The following RECK variants were observed in gnomAD, a reference collection of about 807,000 sequenced individuals.
The protein encoded by RECK is reversion-inducing cysteine-rich protein with Kazal motifs.
RECK carries 69 observed loss-of-function variants against 115.1 expected under a neutral mutation model. The ratio of observed to expected loss-of-function variants is 0.60; its 90% CI spans 0.49 to 0.73. RECK has a LOEUF of 0.73. Among genes scored for constraint, RECK ranks in the 30% least tolerant of loss-of-function variants. RECK has a pLI of 0.00. For synonymous variants in RECK, 414 were observed against 419.7 expected (o/e 0.99, Z 0.17); for missense variants, 1,047 against 1,203.7 (o/e 0.87, Z 1.93).
At chr9:36,116,246 A>G (rs1227847371) in intron 16 of RECK, among the ~76,000 whole-genome samples, 2 of 150,570 alleles carry the variant, frequency 1.3e-5, no homozygotes, top group African/African-American at 4.9e-5. Flanking sequence ...ATCCTGCCTC[A>G]GCCTCCTGAG....
intron 1 of RECK, among the ~76,000 whole-genome samples, chr9:36,042,571 A>G (rs1342104772): frequency 6.6e-6 from 1 of 150,970 alleles, no homozygotes; most frequent in Admixed American, 6.6e-5. Context: ...TTCTTTATCC[A>G]CTTGTTGATT....
Position 36,096,573 on chromosome 9 carries a change from G to A in RECK, c.1086-3758G>A, listed in dbSNP as rs181045457. ...AAAATAAAATAAAATAAAATAAATA[G>A]AAACATCTTTTCAACAAATAATACT... On this transcript the variant is annotated intron_variant, in intron 10 of 20. Transcript: ENST00000377966. 2.6e-5 allele frequency among the ~76,000 whole-genome samples: 4 copies of A among 151,930 alleles called. No homozygotes were observed. In the East Asian group the frequency reaches 7.7e-4, roughly 29 times the overall value.
At chr9:36,078,949 G>GT (rs1822564201) in intron 6 of RECK, among the ~76,000 whole-genome samples, 1 of 152,140 alleles carries the variant, frequency 6.6e-6, no homozygotes, top group Non-Finnish European at 1.5e-5. Flanking sequence ...AGGCTGGAGT[G>GT]TAGTGGCATG....
intron 18 of RECK, among the ~76,000 whole-genome samples, chr9:36,120,006 A>G (rs866713573): frequency 6.6e-6 from 1 of 152,272 alleles, no homozygotes; most frequent in South Asian, 2.1e-4. Flanking sequence ...AGGCCGAGGC[A>G]GGCGGATCAC....
Position 36,037,085 on chromosome 9 carries a change from T to C in RECK, c.87T>C (p.Ala29=). The C allele has an allele frequency of 1.5e-6, 2 of 1,365,102 alleles. No individual in the cohort carries two copies. Among genetic ancestry groups the C allele is most frequent in the South Asian group, 1.7e-5 (1 of 58,408 alleles). The allele number at this position is 1,365,102 out of a possible 1,614,324, so 84.6% of individuals were successfully genotyped here. Residue 29 remains alanine (A), a synonymous_variant, in exon 1 of 21, where the codon GCT becomes GCC. Transcript: ENST00000377966. ...TCGCGGAGGTGGCAGGGGGCCTGGC[T>C]CCGGGCAGTGCGGGTGAGTAACCTC... ...AGVAEVAGGL[A]PGSAGALCCN...
intron 15 of RECK, among the ~76,000 whole-genome samples, chr9:36,111,082 G>A (rs1221832372): frequency 6.6e-6 from 1 of 152,224 alleles, no homozygotes; most frequent in African/African-American, 2.4e-5. Context: ...TTACAAGGAA[G>A]ACTTTTTAAA....
intron 20 of RECK, among the ~76,000 whole-genome samples, 182 bp from the exon 21 acceptor site, chr9:36,122,642 T>A (rs1244722290): frequency 2.0e-5 from 3 of 152,216 alleles, no homozygotes; most frequent in South Asian, 2.1e-4. Context: ...TTAATGCTGC[T>A]ATATTTATGT....
At chr9:36,103,810 G>A (rs918041940) in intron 12 of RECK, among the ~76,000 whole-genome samples, 7 of 151,982 alleles carry the variant, frequency 4.6e-5, no homozygotes, top group Admixed American at 1.3e-4. Context: ...TTTGAGCCTC[G>A]GCTTCCCTAT....
At chr9:36,107,760 G>A (rs1823880594) in intron 13 of RECK, among the ~76,000 whole-genome samples, 1 of 152,126 alleles carries the variant, frequency 6.6e-6, no homozygotes, top group Admixed American at 6.5e-5. Flanking sequence ...GTACAGATCT[G>A]TAATCACCAC....
chr9:36,118,918 C>A lies in RECK; in HGVS notation c.2415C>A (p.Val805=), dbSNP rs377608152. The A allele has an allele frequency of 6.4e-5, 103 of 1,613,368 alleles. 1 individual carries two copies. Among genetic ancestry groups the A allele is most frequent in the Non-Finnish European group, 7.1e-5 (84 of 1,180,050 alleles). ...EHSSVAECAS[V]KCPSLLAAGC... ...GCTCCGTCGCCGAGTGTGCTTCTGT[C>A]AAGTGTCCTTCGCTCTTGGCAGCTG... is the stretch of plus-strand genomic sequence containing the variant. Residue 805 remains valine, a synonymous_variant, in exon 18 of 21, where the codon GTC becomes GTA. Transcript: ENST00000377966.
intron 10 of RECK, among the ~76,000 whole-genome samples, chr9:36,095,836 T>C (rs185307458): frequency 0.025 from 3,790 of 148,632 alleles, 170 homozygotes; most frequent in African/African-American, 0.087. Flanking sequence ...TTTGGGAGGC[T>C]GAGGTGGGTG....
intron 1 of RECK, among the ~76,000 whole-genome samples, chr9:36,042,244 T>C (rs954475501): frequency 2.6e-5 from 4 of 151,980 alleles, no homozygotes; most frequent in African/African-American, 9.7e-5. Flanking sequence ...CCAAAGTCCG[T>C]TGTATTGTTC....
chr9:36,064,150 A>C (rs754391033), intron 5 of RECK, among the ~76,000 whole-genome samples: 2 of 152,188 alleles, frequency 1.3e-5, no homozygotes, highest in Non-Finnish European at 2.9e-5. Context: ...TAGGTCATCC[A>C]TACTTTGCCT....
chr9:36,097,050 G>T (rs962681746), intron 10 of RECK, among the ~76,000 whole-genome samples: 49 of 152,248 alleles, frequency 3.2e-4, no homozygotes, highest in African/African-American at 1.0e-3. Flanking sequence ...AAGGCCAGGT[G>T]TGGTGGCTCA....
chr9:36,084,268 G>A (rs944357014), intron 8 of RECK, among the ~76,000 whole-genome samples: 5 of 152,130 alleles, frequency 3.3e-5, no homozygotes, highest in Non-Finnish European at 5.9e-5. Flanking sequence ...TCACACGCTT[G>A]TGATCCCAGC....
intron 10 of RECK, among the ~76,000 whole-genome samples, chr9:36,092,454 C>T (rs1823195576): frequency 6.6e-6 from 1 of 151,842 alleles, no homozygotes; most frequent in Non-Finnish European, 1.5e-5. Flanking sequence ...TCACTGCAAC[C>T]TCCGCCTCCT....
At position 36,055,114 on chromosome 9, in the gene RECK, T is replaced by G. The variant is rs1588275451; in HGVS notation, c.159+2791T>G. 2.0e-5 allele frequency among the ~76,000 whole-genome samples: 3 copies of G among 152,304 alleles called. No homozygotes were observed. In the East Asian group the frequency reaches 5.8e-4, roughly 29 times the overall value. Reference sequence around the variant, plus strand: ...GTGGCATACAAGTTTGGTTATTAAATTTTTTGCTCTGAGATGATTTGTATA... The same window carrying G: ...GTGGCATACAAGTTTGGTTATTAAAGTTTTTGCTCTGAGATGATTTGTATA... On this transcript the variant is annotated intron_variant, in intron 2 of 20. Coordinates refer to ENST00000377966, the MANE Select transcript of RECK (RefSeq NM_021111.3).
In RECK at chr9:36,052,263, A is replaced by G. The variant is rs1318277575; in HGVS notation, c.101-2A>G. The G allele has an allele frequency of 6.9e-6, 11 of 1,595,508 alleles. No individual in the cohort carries two copies. Among genetic ancestry groups the G allele is most frequent in the Admixed American group, 1.7e-5 (1 of 59,894 alleles). ...CATTTGATGTTTATTTTTTCTCCCT[A>G]GGTGCATTGTGTTGTAATCATTCAA... On this transcript the variant is annotated splice_acceptor_variant, in intron 1 of 20. Transcript: ENST00000377966. LOFTEE classifies it high-confidence loss of function.
Position 36,103,421 on chromosome 9 carries a change from T to C in RECK, c.1435+1191T>C, listed in dbSNP as rs183129259. On this transcript the variant is annotated intron_variant, in intron 12 of 20. Transcript: ENST00000377966. ...CATCAAGATTACTTAATGTACTTTG[T>C]CATCACAACATGGCTATTGGAGTTC... Among the ~76,000 whole-genome samples, 781 of 152,362 alleles carry C rather than the reference T, an allele frequency of 5.1e-3. 6 individuals are homozygous for C. The highest frequency in any genetic ancestry group is 0.018 in the African/African-American group (733 of 41,576).
Sources: allele counts gnomAD v4.1 joint callset (sites outside exome capture counted in the v4.1 genomes callset), GRCh38; gene constraint gnomAD v4.1.1; transcripts MANE v1.5; gene names NCBI Gene and HGNC (gene_info 2026-07-23, HGNC 2026-07-21).